Variants in PTPRT observed in about 807,000 individuals in gnomAD.
The protein encoded by PTPRT is receptor-type tyrosine-protein phosphatase T.
PTPRT carries 56 observed loss-of-function variants against 176.8 expected under a neutral mutation model. That is an observed-to-expected ratio of 0.32 (90% CI 0.26 to 0.40). The LOEUF is 0.40. Ranked by LOEUF, PTPRT falls within the 10% of genes least tolerant of loss-of-function variation. The pLI, the probability that PTPRT is intolerant of heterozygous loss-of-function variation, is 1.00. For synonymous variants in PTPRT, 783 were observed against 739.0 expected (o/e 1.06, Z -0.96); for missense variants, 1,540 against 1,908.2 (o/e 0.81, Z 3.60).
chr20:43,174,735 T>A (rs1241041346), intron 1 of PTPRT, among the ~76,000 whole-genome samples: 1 of 152,216 alleles, frequency 6.6e-6, no homozygotes, highest in Non-Finnish European at 1.5e-5. Flanking sequence ...AGTCACTGTT[T>A]GAAATGAACA....
chr20:42,371,822 G>GT (rs1328394589), intron 9 of PTPRT, among the ~76,000 whole-genome samples: 1 of 152,182 alleles, frequency 6.6e-6, no homozygotes, highest in Non-Finnish European at 1.5e-5. Context: ...TATCAGTTGT[G>GT]TCCAGGTGAG....
intron 1 of PTPRT, among the ~76,000 whole-genome samples, chr20:42,996,231 T>C (rs1009396277): frequency 3.9e-5 from 6 of 152,178 alleles, no homozygotes; most frequent in African/African-American, 9.7e-5. Flanking sequence ...GCAACTTCTA[T>C]ATGTCTGGCT....
intron 2 of PTPRT, among the ~76,000 whole-genome samples, chr20:42,805,982 C>T (rs954495973): frequency 2.0e-5 from 3 of 151,324 alleles, no homozygotes; most frequent in African/African-American, 7.3e-5. Context: ...ATCTCACACC[C>T]TAATTCCTAA....
In PTPRT at chr20:42,532,194, C is replaced by T. The variant is rs551897655; in HGVS notation, c.1154-59632G>A. Among the ~76,000 whole-genome samples the T allele has an allele frequency of 4.6e-5, 7 of 152,194 alleles. No individual in the cohort carries two copies. In the South Asian group the frequency reaches 1.5e-3, roughly 32 times the overall value. On this transcript the variant is annotated intron_variant, in intron 7 of 30. Coordinates refer to ENST00000373187, the MANE Select transcript of PTPRT (RefSeq NM_007050.6). ...GGGCACAAGGTCAGCTGCCATGGGT[C>T]CATGGGTTCAAGTCCCAAGTTCATT... is the stretch of plus-strand genomic sequence containing the variant.
At chr20:42,215,210 C>A (rs2055740643) in intron 15 of PTPRT, among the ~76,000 whole-genome samples, 1 of 152,128 alleles carries the variant, frequency 6.6e-6, no homozygotes, top group South Asian at 2.1e-4. Flanking sequence ...GGGGAGATGG[C>A]CCCTCTGTTC....
At chr20:43,175,589 CCCGGG>C (rs2015107363) in intron 1 of PTPRT, among the ~76,000 whole-genome samples, 3 of 113,814 alleles carry the variant, frequency 2.6e-5, no homozygotes, top group Non-Finnish European at 6.0e-5. Context: ...AGAGCGAGAC[CCCGGG>C]CTCTGACTGT....
intron 1 of PTPRT, among the ~76,000 whole-genome samples, chr20:43,078,896 C>T (rs191589316): frequency 2.5e-4 from 38 of 152,236 alleles, no homozygotes; most frequent in African/African-American, 7.9e-4. Context: ...CTCTTCTTGC[C>T]GGCTGCTCTC....
intron 9 of PTPRT, among the ~76,000 whole-genome samples, chr20:42,439,447 C>T (rs749918249): frequency 6.6e-6 from 1 of 152,140 alleles, no homozygotes; most frequent in Non-Finnish European, 1.5e-5. Flanking sequence ...TCAATTACTC[C>T]ACACACTGTT....
chr20:42,798,632 C>T (rs1012921919), intron 2 of PTPRT, among the ~76,000 whole-genome samples: 1 of 150,496 alleles, frequency 6.6e-6, no homozygotes, highest in Non-Finnish European at 1.5e-5. Context: ...TATATAATAC[C>T]TATTTAAAAC....
intron 13 of PTPRT, among the ~76,000 whole-genome samples, chr20:42,270,096 A>T (rs1167673461): frequency 6.6e-6 from 1 of 152,126 alleles, no homozygotes; most frequent in Non-Finnish European, 1.5e-5. Flanking sequence ...GCACTGGAAC[A>T]TATCTTCTTT....
At chr20:42,690,425 A>C (rs1270303381) in intron 6 of PTPRT, among the ~76,000 whole-genome samples, 1 of 152,188 alleles carries the variant, frequency 6.6e-6, no homozygotes, top group African/African-American at 2.4e-5. Context: ...GGGGCTGGAG[A>C]GGCAGAGGCA....
chr20:42,686,414 T>A (rs1036007908), intron 6 of PTPRT: 1 of 143,500 alleles, frequency 7.0e-6, no homozygotes, highest in Non-Finnish European at 1.5e-5. Context: ...TGGGTGGGAC[T>A]GAGCACCAGA....
chr20:42,552,358 G>C (rs2072784608), intron 7 of PTPRT, among the ~76,000 whole-genome samples: 1 of 152,034 alleles, frequency 6.6e-6, no homozygotes, highest in South Asian at 2.1e-4. Flanking sequence ...TAAAAATTCA[G>C]AATCTAAAGA....
At chr20:42,758,226 G>A (rs1343818442) in intron 5 of PTPRT, among the ~76,000 whole-genome samples, 1 of 152,190 alleles carries the variant, frequency 6.6e-6, no homozygotes, top group Non-Finnish European at 1.5e-5. Context: ...GAGTCTCCCA[G>A]TCTCGCAACG....
chr20:43,007,452 CTT>C (rs1188496820), intron 1 of PTPRT, among the ~76,000 whole-genome samples: 4 of 152,282 alleles, frequency 2.6e-5, no homozygotes, highest in African/African-American at 9.6e-5. Context: ...CTTTCAATAA[CTT>C]TGATATGTAA....
At chr20:42,528,802 T>A (rs2072324841) in intron 7 of PTPRT, among the ~76,000 whole-genome samples, 1 of 152,208 alleles carries the variant, frequency 6.6e-6, no homozygotes, top group Non-Finnish European at 1.5e-5. Flanking sequence ...TATGCTTGCT[T>A]AATCTTAGAT....
chr20:42,678,918 AAGTGATATG>A (rs1443440252), intron 6 of PTPRT, among the ~76,000 whole-genome samples: 1 of 152,194 alleles, frequency 6.6e-6, no homozygotes, highest in East Asian at 1.9e-4. Context: ...TCTTTCCAAA[AAGTGATATG>A]AGCCTAAGTA....
At chr20:42,413,984 A>G (rs146424805) in intron 9 of PTPRT, among the ~76,000 whole-genome samples, 5,325 of 152,186 alleles carry the variant, frequency 0.035, 140 homozygotes, top group Middle Eastern at 0.078. Flanking sequence ...CCGAGGAGCC[A>G]CCATGCCCGG....
At chr20:43,115,409 G>T (rs1298874497) in intron 1 of PTPRT, among the ~76,000 whole-genome samples, 1 of 152,064 alleles carries the variant, frequency 6.6e-6, no homozygotes, top group Non-Finnish European at 1.5e-5. Flanking sequence ...ACGTTCTCTG[G>T]GAGTTCTCCA....
Sources: gnomAD v4.1 joint callset for allele counts (sites outside exome capture counted in the v4.1 genomes callset) on GRCh38, gnomAD v4.1.1 for gene constraint, MANE v1.5 for transcripts, NCBI Gene and HGNC (gene_info 2026-07-23, HGNC 2026-07-21) for gene names.